The following TLN2 variants were observed in gnomAD, a reference collection of about 807,000 sequenced individuals.
TLN2 encodes talin-2.
A neutral mutation model predicts 294.7 loss-of-function variants in TLN2; 118 were observed. That is an observed-to-expected ratio of 0.40 (90% CI 0.34 to 0.47). The LOEUF (loss-of-function observed/expected upper bound fraction) is 0.47. TLN2 is among the 20% of genes least tolerant of loss of function. TLN2 has a pLI of 0.84. For synonymous variants in TLN2, 1,431 were observed against 1,304.5 expected, an observed-to-expected ratio of 1.10 and a Z score of -2.09; for missense variants, 3,083 against 3,282.2, an observed-to-expected ratio of 0.94 and a Z score of 1.48.
intron 1 of TLN2, among the ~76,000 whole-genome samples, chr15:62,392,840 T>C (rs1028174870): frequency 2.0e-5 from 3 of 152,166 alleles, no homozygotes; most frequent in African/African-American, 7.2e-5. Flanking sequence ...CTTTCCCTGA[T>C]TCATTTCATG....
At chr15:62,529,270 A>T (rs534277087) in intron 1 of TLN2, among the ~76,000 whole-genome samples, 67 of 151,768 alleles carry the variant, frequency 4.4e-4, no homozygotes, top group African/African-American at 1.4e-3. Context: ...ATTAAAAAAA[A>T]TTTTTTTTGT....
intron 26 of TLN2, 73 bp downstream of exon 26, chr15:62,722,560 T>C: frequency 1.4e-6 from 2 of 1,442,398 alleles, no homozygotes; most frequent in South Asian, 1.6e-5. Context: ...ACCCAGGGCC[T>C]GAACACTGCT....
At chr15:62,500,041 T>A (rs1414517511) in intron 1 of TLN2, among the ~76,000 whole-genome samples, 1 of 152,024 alleles carries the variant, frequency 6.6e-6, no homozygotes, top group African/African-American at 2.4e-5. Flanking sequence ...TTTCTCTTGT[T>A]TAAAATGAAT....
intron 9 of TLN2, among the ~76,000 whole-genome samples, chr15:62,668,299 C>T (rs1294231445): frequency 6.6e-6 from 1 of 152,136 alleles, no homozygotes; most frequent in Non-Finnish European, 1.5e-5. Context: ...AATTCCTTCA[C>T]TATATATTAT....
At chr15:62,607,076 C>A (rs1352743992) in intron 2 of TLN2, among the ~76,000 whole-genome samples, 2 of 152,176 alleles carry the variant, frequency 1.3e-5, no homozygotes, top group Non-Finnish European at 2.9e-5. Flanking sequence ...ACTCATGCCT[C>A]TTCACAGCAG....
intron 1 of TLN2, among the ~76,000 whole-genome samples, chr15:62,529,202 T>A (rs1489671400): frequency 6.6e-6 from 1 of 151,810 alleles, no homozygotes. Flanking sequence ...CAGTTGACCC[T>A]CTTACGTCAG....
At chr15:62,645,174 C>T (rs2051683279) in intron 3 of TLN2, 1 of 153,952 alleles carries the variant, frequency 6.5e-6, no homozygotes, top group African/African-American at 2.4e-5. Context: ...CGGGGAGTTG[C>T]TGGGTTAACT....
intron 1 of TLN2, among the ~76,000 whole-genome samples, chr15:62,565,369 CAG>C (rs1353915032): frequency 6.6e-6 from 1 of 152,156 alleles, no homozygotes; most frequent in Non-Finnish European, 1.5e-5. Context: ...ACTAGACTGA[CAG>C]ATGATATTTC....
chr15:62,636,760 T>C (rs2050422603), intron 3 of TLN2, among the ~76,000 whole-genome samples: 1 of 152,176 alleles, frequency 6.6e-6, no homozygotes, highest in South Asian at 2.1e-4. Flanking sequence ...GTTTGCATGG[T>C]CACTCGGCAA....
chr15:62,641,633 T>TA lies in TLN2; in HGVS notation c.-36-5632dup, dbSNP rs943869595. Among the ~76,000 whole-genome samples the TA allele has an allele frequency of 9.1e-4, 125 of 137,888 alleles. No homozygotes were observed. In the East Asian group the frequency reaches 0.013, roughly 14 times the overall value. 90.5% of individuals were successfully genotyped at this position (137,888 alleles called of 152,430 possible). A position where few individuals can be genotyped will look rare whatever the true frequency, so the allele number is the denominator to read the frequency against. On this transcript the variant is annotated intron_variant, in intron 3 of 58. Transcript: ENST00000636159. ...TAAAGCTCCATCTAAAAAATAAAAA[T>TA]AAAAAAAAAATAATAATAACAAGCC...
At chr15:62,542,036 T>C (rs2041722041) in intron 1 of TLN2, among the ~76,000 whole-genome samples, 1 of 152,048 alleles carries the variant, frequency 6.6e-6, no homozygotes, top group South Asian at 2.1e-4. Flanking sequence ...TATTTAGGAC[T>C]CGTTAAGTGC....
At chr15:62,547,254 A>C (rs2042045077) in intron 1 of TLN2, among the ~76,000 whole-genome samples, 1 of 152,220 alleles carries the variant, frequency 6.6e-6, no homozygotes, top group South Asian at 2.1e-4. Flanking sequence ...GTTGACCCCA[A>C]CTGGGATGTC....
At chr15:62,664,875 A>AAAAAAAAAAAAG (rs1555462003) in intron 9 of TLN2, among the ~76,000 whole-genome samples, 99 of 146,510 alleles carry the variant, frequency 6.8e-4, no homozygotes, top group African/African-American at 2.5e-3. Flanking sequence ...AAAAAAAAAA[A>AAAAAAAAAAAAG]AAAGTGGCTA....
rs921059314 is a variant in TLN2 at position 62,395,282 on chromosome 15, A to G, written c.-238+4597A>G. ...GATGAAATAGTAACTGAAATACAAC[A>G]TTATAAAAAGATGAGAAAAGGATGT... On this transcript the variant is annotated intron_variant, in intron 1 of 58. Transcript: ENST00000636159. 4.0e-5 allele frequency among the ~76,000 whole-genome samples: 6 copies of G among 151,750 alleles called. No homozygotes were observed. The South Asian group carries it at 6.3e-4, about 16-fold the overall frequency.
intron 57 of TLN2, among the ~76,000 whole-genome samples, chr15:62,836,411 C>T (rs1190882394): frequency 1.3e-5 from 2 of 152,210 alleles, no homozygotes; most frequent in African/African-American, 4.8e-5. Flanking sequence ...GCTTTGAGAG[C>T]CCCTAGCCAG....
Position 62,761,742 on chromosome 15 carries a change from T to C in TLN2, c.4700T>C (p.Leu1567Ser), listed in dbSNP as rs749102658. The change falls in exon 38 of 59, where the codon TTG (leucine) becomes TCG (serine). Residue 1567 changes from leucine to serine, a missense_variant. Leu to Ser is a moderately radical substitution (Grantham distance 145). Coordinates refer to ENST00000636159, the MANE Select transcript of TLN2 (RefSeq NM_015059.3). Reference sequence around the variant, plus strand: ...AAGTGTCGCATCGCCACCGCACCCTTGATTGAAGCTGTGGAGAACCTGACA... The same window carrying C: ...AAGTGTCGCATCGCCACCGCACCCTCGATTGAAGCTGTGGAGAACCTGACA... ...RNKCRIATAP[L>S]IEAVENLTAF... 6.2e-7 allele frequency: 1 copy of C among 1,614,148 alleles called. No homozygotes were observed. Among genetic ancestry groups the C allele is most frequent in the Non-Finnish European group, 8.5e-7 (1 of 1,180,028 alleles).
chr15:62,618,711 C>A (rs887072110), intron 3 of TLN2, among the ~76,000 whole-genome samples: 2 of 152,180 alleles, frequency 1.3e-5, no homozygotes, highest in African/African-American at 2.4e-5. Context: ...GTGGTTGATT[C>A]CTCAAGCCTA....
chr15:62,818,814 C>G (rs2067316092), intron 52 of TLN2, among the ~76,000 whole-genome samples: 1 of 151,004 alleles, frequency 6.6e-6, no homozygotes, highest in African/African-American at 2.4e-5. Flanking sequence ...GGGCTTTTGC[C>G]TTTACTCAGC....
At chr15:62,804,412 A>G (rs2066137047) in intron 50 of TLN2, among the ~76,000 whole-genome samples, 1 of 152,212 alleles carries the variant, frequency 6.6e-6, no homozygotes, top group Admixed American at 6.5e-5. Context: ...AGCCTGGGCA[A>G]CATAGGGAAA....
Sources: gnomAD v4.1 joint callset for allele counts (sites outside exome capture counted in the v4.1 genomes callset) on GRCh38, gnomAD v4.1.1 for gene constraint, MANE v1.5 for transcripts, NCBI Gene and HGNC (gene_info 2026-07-23, HGNC 2026-07-21) for gene names.